The following PLCE1 variants were observed in gnomAD, a reference collection of about 807,000 sequenced individuals.
The protein encoded by PLCE1 is phospholipase C epsilon 1.
Under a neutral mutation model 242.8 loss-of-function variants are expected in PLCE1, and 119 were observed. The ratio of observed to expected loss-of-function variants is 0.49; its 90% CI spans 0.42 to 0.57. PLCE1 has a LOEUF of 0.57. PLCE1 is among the 20% of genes least tolerant of loss of function. The pLI, the probability that PLCE1 is intolerant of heterozygous loss-of-function variation, is 0.00. For synonymous variants in PLCE1, 945 were observed against 1,017.4 expected, an observed-to-expected ratio of 0.93 and a Z score of 1.35; for missense variants, 2,441 against 2,788.8, an observed-to-expected ratio of 0.88 and a Z score of 2.81.
At chr10:94,095,230 G>T (rs1013890990) in intron 2 of PLCE1, among the ~76,000 whole-genome samples, 1 of 152,234 alleles carries the variant, frequency 6.6e-6, no homozygotes, top group African/African-American at 2.4e-5. Context: ...CAAGAAAGAT[G>T]CACTTTGTGT....
At chr10:94,271,472 G>C (rs1404195584) in intron 18 of PLCE1, among the ~76,000 whole-genome samples, 2 of 151,526 alleles carry the variant, frequency 1.3e-5, no homozygotes, top group Non-Finnish European at 2.9e-5. Flanking sequence ...CCACCACCAC[G>C]TCTGGCTAAT....
At chr10:94,317,799 C>T (rs2053629935) in intron 29 of PLCE1, among the ~76,000 whole-genome samples, 1 of 152,134 alleles carries the variant, frequency 6.6e-6, no homozygotes, top group African/African-American at 2.4e-5. Flanking sequence ...AAGGTCATTT[C>T]TCTAGCATAG....
chr10:94,223,837 T>C (rs531144932), intron 4 of PLCE1, among the ~76,000 whole-genome samples: 4 of 152,256 alleles, frequency 2.6e-5, no homozygotes, highest in South Asian at 2.1e-4. Context: ...ATTTATATGA[T>C]TTTTTTGTTT....
At chr10:94,120,288 A>G (rs2046261712) in intron 2 of PLCE1, among the ~76,000 whole-genome samples, 1 of 152,160 alleles carries the variant, frequency 6.6e-6, no homozygotes, top group South Asian at 2.1e-4. Context: ...GTGTTCACTA[A>G]CAGGTTGTTG....
intron 16 of PLCE1, among the ~76,000 whole-genome samples, chr10:94,266,677 G>T (rs2051529698): frequency 6.6e-6 from 1 of 152,068 alleles, no homozygotes; most frequent in South Asian, 2.1e-4. Context: ...AGCCAGGCAG[G>T]GAATATAAGT....
At chr10:94,074,792 A>G (rs573185102) in intron 2 of PLCE1, among the ~76,000 whole-genome samples, 1 of 152,334 alleles carries the variant, frequency 6.6e-6, no homozygotes, top group Non-Finnish European at 1.5e-5. Context: ...TACTAATGAT[A>G]TTAATTGCTT....
intron 13 of PLCE1, among the ~76,000 whole-genome samples, chr10:94,260,242 C>T (rs932484124): frequency 6.6e-6 from 1 of 152,172 alleles, no homozygotes; most frequent in Admixed American, 6.5e-5. Context: ...TCTTTAGCGC[C>T]TTCCACAGGG....
At chr10:94,129,950 A>G (rs1395432024) in intron 2 of PLCE1, among the ~76,000 whole-genome samples, 1 of 151,944 alleles carries the variant, frequency 6.6e-6, no homozygotes, top group Non-Finnish European at 1.5e-5. Context: ...TCTAAACTCC[A>G]CTGGCTGTCC....
intron 2 of PLCE1, among the ~76,000 whole-genome samples, chr10:94,053,041 A>G (rs2043806718): frequency 6.6e-6 from 1 of 152,216 alleles, no homozygotes; most frequent in Admixed American, 6.5e-5. Flanking sequence ...ACGCTTTTTG[A>G]AGAGAAAACT....
chr10:94,141,633 GA>G (rs2046969815), intron 3 of PLCE1, among the ~76,000 whole-genome samples: 5 of 60,518 alleles, frequency 8.3e-5, no homozygotes, highest in African/African-American at 7.1e-4. Context: ...GCAGAAGGAG[GA>G]AAGAAAGAAG....
At chr10:94,235,062 T>TCACACA (rs3222767) in intron 6 of PLCE1, among the ~76,000 whole-genome samples, 14,108 of 135,392 alleles carry the variant, frequency 0.1, 810 homozygotes, top group African/African-American at 0.13. Flanking sequence ...TACTGACCTT[T>TCACACA]CACACACACA....
At chr10:94,265,595 C>G in intron 14 of PLCE1, 52 bp from the exon 15 acceptor site, 1 of 1,442,138 alleles carries the variant, frequency 6.9e-7, no homozygotes, top group Non-Finnish European at 9.8e-7. Flanking sequence ...GTTTCTTTCC[C>G]CCTCTTAGTT....
At chr10:94,032,755 AGAT>A (rs1189739643) in intron 2 of PLCE1, among the ~76,000 whole-genome samples, 3 of 152,188 alleles carry the variant, frequency 2.0e-5, no homozygotes, top group Non-Finnish European at 2.9e-5. Context: ...TAAATGAATC[AGAT>A]GAAATAGAAA....
At chr10:94,225,828 T>G (rs2137151422) in intron 4 of PLCE1, among the ~76,000 whole-genome samples, 1 of 152,380 alleles carries the variant, frequency 6.6e-6, no homozygotes, top group African/African-American at 2.4e-5. Flanking sequence ...CCATTAATTC[T>G]TATCATTTTA....
At chr10:94,161,376 T>A (rs1215966818) in intron 3 of PLCE1, among the ~76,000 whole-genome samples, 1 of 152,218 alleles carries the variant, frequency 6.6e-6, no homozygotes, top group Non-Finnish European at 1.5e-5. Flanking sequence ...GTCCTTCACA[T>A]CCCTTGTAAG....
chr10:94,179,860 T>C (rs2048252892), intron 4 of PLCE1, among the ~76,000 whole-genome samples: 1 of 151,270 alleles, frequency 6.6e-6, no homozygotes, highest in Admixed American at 6.6e-5. Context: ...ATGCTTTATA[T>C]GAGTATTCAG....
intron 1 of PLCE1, among the ~76,000 whole-genome samples, chr10:93,998,293 T>C (rs887279400): frequency 6.6e-6 from 1 of 152,186 alleles, no homozygotes; most frequent in African/African-American, 2.4e-5. Flanking sequence ...GGAGATGTTC[T>C]GGACATTTGA....
chr10:93,996,074 G>T (rs1363892735), intron 1 of PLCE1, among the ~76,000 whole-genome samples: 1 of 152,190 alleles, frequency 6.6e-6, no homozygotes, highest in Non-Finnish European at 1.5e-5. Flanking sequence ...TCCCATGCCT[G>T]GGCAAGAGGA....
intron 4 of PLCE1, among the ~76,000 whole-genome samples, chr10:94,213,697 G>A (rs752760546): frequency 3.9e-5 from 6 of 152,138 alleles, no homozygotes; most frequent in Non-Finnish European, 5.9e-5. Context: ...TCTAATCCTT[G>A]GAAAGTCCCT....
Sources: gnomAD v4.1 joint callset for allele counts (sites outside exome capture counted in the v4.1 genomes callset) on GRCh38, gnomAD v4.1.1 for gene constraint, MANE v1.5 for transcripts, NCBI Gene and HGNC (gene_info 2026-07-23, HGNC 2026-07-21) for gene names.